The following HHAT variants were observed in gnomAD, a reference collection of about 807,000 sequenced individuals.
HHAT encodes hedgehog acyltransferase.
In HHAT, 47 loss-of-function variants were observed where a neutral mutation model predicts 70.8. That is an observed-to-expected ratio of 0.66 (90% CI 0.53 to 0.85). The LOEUF is 0.85. HHAT is among the 40% of genes least tolerant of loss of function. HHAT has a pLI of 0.00. For missense variants in HHAT, 609 were observed against 604.8 expected, an observed-to-expected ratio of 1.01 and a Z score of -0.07; for synonymous variants, 228 against 247.6, an observed-to-expected ratio of 0.92 and a Z score of 0.74.
intron 3 of HHAT, among the ~76,000 whole-genome samples, chr1:210,384,063 G>A (rs2090862128): frequency 1.3e-5 from 2 of 152,276 alleles, no homozygotes; most frequent in African/African-American, 2.4e-5. Context: ...TAGGAAAAGA[G>A]GCAGTTACAA....
intron 10 of HHAT, among the ~76,000 whole-genome samples, chr1:210,600,411 G>A (rs1027739667): frequency 3.9e-5 from 6 of 152,126 alleles, no homozygotes; most frequent in Admixed American, 2.0e-4. Context: ...GAGTATTGGG[G>A]GACTATCTTA....
intron 9 of HHAT, among the ~76,000 whole-genome samples, chr1:210,538,171 T>G (rs530428337): frequency 6.6e-6 from 1 of 152,236 alleles, no homozygotes; most frequent in East Asian, 1.9e-4. Context: ...AAATGAGATA[T>G]TCATCATTGA....
chr1:210,540,527 T>G (rs919148730), intron 9 of HHAT, among the ~76,000 whole-genome samples: 2 of 84,288 alleles, frequency 2.4e-5, no homozygotes, highest in East Asian at 4.0e-4. Flanking sequence ...ACACACGCTC[T>G]CTCTCTCTCT....
At position 210,550,484 on chromosome 1, in the gene HHAT, CT is replaced by C. The variant is rs1163862220; in HGVS notation, c.1043+37298del. On this transcript the variant is annotated intron_variant, in intron 9 of 11. Coordinates refer to ENST00000261458, the MANE Select transcript of HHAT (RefSeq NM_018194.6). ...TACCTACTTCAGGACTGCTGTTCAG[CT>C]TAAATGATATGAAGCTGTGAGCACG... Among the ~76,000 whole-genome samples the C allele has an allele frequency of 2.7e-5, 4 of 148,936 alleles. 1 individual carries two copies. The Admixed American group carries it at 2.8e-4, about 10-fold the overall frequency.
At chr1:210,559,716 G>T (rs947679103) in intron 9 of HHAT, among the ~76,000 whole-genome samples, 3 of 152,186 alleles carry the variant, frequency 2.0e-5, no homozygotes, top group African/African-American at 7.2e-5. Flanking sequence ...GGATTTTATT[G>T]TGACAATATG....
intron 8 of HHAT, among the ~76,000 whole-genome samples, chr1:210,472,895 C>T (rs191638635): frequency 1.8e-3 from 276 of 152,272 alleles, no homozygotes; most frequent in Non-Finnish European, 3.4e-3. Flanking sequence ...GAGTTATTAT[C>T]TAAAGACCTA....
chr1:210,544,935 A>G (rs1443662345), intron 9 of HHAT, among the ~76,000 whole-genome samples: 1 of 152,102 alleles, frequency 6.6e-6, no homozygotes, highest in Non-Finnish European at 1.5e-5. Context: ...CTACATACCT[A>G]TGTCTCCCAA....
intron 11 of HHAT, among the ~76,000 whole-genome samples, chr1:210,647,457 C>G (rs1265235958): frequency 6.6e-6 from 1 of 152,164 alleles, no homozygotes; most frequent in Non-Finnish European, 1.5e-5. Context: ...GCCAGGATGC[C>G]TATCTCTCCA....
At chr1:210,511,593 C>G (rs375987929) in intron 8 of HHAT, among the ~76,000 whole-genome samples, 13 of 151,958 alleles carry the variant, frequency 8.6e-5, no homozygotes, top group African/African-American at 2.9e-4. Flanking sequence ...CAGACCCCCC[C>G]TCGAGGGTGA....
At chr1:210,460,181 G>A (rs189442394) in intron 7 of HHAT, among the ~76,000 whole-genome samples, 2 of 152,314 alleles carry the variant, frequency 1.3e-5, no homozygotes, top group Non-Finnish European at 2.9e-5. Flanking sequence ...AATTAGGACA[G>A]CATCACTTCT....
chr1:210,486,338 T>G (rs1184970393), intron 8 of HHAT, among the ~76,000 whole-genome samples: 1 of 152,210 alleles, frequency 6.6e-6, no homozygotes, highest in African/African-American at 2.4e-5. Context: ...TAAGACTACA[T>G]TAAGCGAATG....
intron 1 of HHAT, among the ~76,000 whole-genome samples, chr1:210,333,345 G>A (rs1047225110): frequency 1.3e-5 from 2 of 152,118 alleles, no homozygotes; most frequent in African/African-American, 4.8e-5. Flanking sequence ...GATCACTTGA[G>A]CCCAGGAGGT....
intron 8 of HHAT, among the ~76,000 whole-genome samples, chr1:210,482,212 A>T (rs1488083053): frequency 5.9e-5 from 9 of 151,956 alleles, no homozygotes. Flanking sequence ...ACTAAAAAGA[A>T]CTCTTCTGTA....
intron 7 of HHAT, among the ~76,000 whole-genome samples, chr1:210,432,272 A>G (rs778366081): frequency 6.6e-6 from 1 of 151,852 alleles, no homozygotes; most frequent in Non-Finnish European, 1.5e-5. Flanking sequence ...AGGAGGGCCA[A>G]GTATAGAACT....
chr1:210,399,030 C>T (rs768062959), intron 4 of HHAT, among the ~76,000 whole-genome samples: 29 of 152,254 alleles, frequency 1.9e-4, no homozygotes, highest in African/African-American at 6.3e-4. Flanking sequence ...CATCAAAGCA[C>T]GGGATTTGCA....
chr1:210,663,407 G>C (rs576652937), intron 11 of HHAT, among the ~76,000 whole-genome samples: 2 of 152,318 alleles, frequency 1.3e-5, no homozygotes, highest in South Asian at 4.1e-4. Context: ...AGCTGCTGCT[G>C]TCTGAGCTTC....
chr1:210,669,499 C>A (rs949836724), intron 11 of HHAT, among the ~76,000 whole-genome samples: 1 of 152,204 alleles, frequency 6.6e-6, no homozygotes, highest in African/African-American at 2.4e-5. Context: ...TTAATTGAAT[C>A]TATTGTGCCA....
chr1:210,550,283 G>T (rs1407875545), intron 9 of HHAT, among the ~76,000 whole-genome samples: 1 of 149,244 alleles, frequency 6.7e-6, no homozygotes, highest in Non-Finnish European at 1.5e-5. Context: ...AAGAGCCATG[G>T]TTAGTTAATA....
At chr1:210,447,850 G>T (rs1025049939) in intron 7 of HHAT, among the ~76,000 whole-genome samples, 1 of 152,142 alleles carries the variant, frequency 6.6e-6, no homozygotes, top group Non-Finnish European at 1.5e-5. Context: ...CTGGGTTAAT[G>T]TGTGTCTACC....
Sources: gnomAD v4.1 joint callset for allele counts (sites outside exome capture counted in the v4.1 genomes callset) on GRCh38, gnomAD v4.1.1 for gene constraint, MANE v1.5 for transcripts, NCBI Gene and HGNC (gene_info 2026-07-23, HGNC 2026-07-21) for gene names.